The following INTS6L variants were observed in gnomAD, a reference collection of about 807,000 sequenced individuals.
The protein encoded by INTS6L is integrator complex subunit 6-like.
INTS6L carries 18 observed loss-of-function variants against 64.7 expected under a neutral mutation model. The observed-to-expected ratio is 0.28, with a 90% CI of 0.19 to 0.41. The LOEUF (loss-of-function observed/expected upper bound fraction) is 0.41, where lower values mean the gene tolerates loss of function less well. Ranked by LOEUF, INTS6L falls within the 10% of genes least tolerant of loss-of-function variation. The pLI is 1.00. For synonymous variants in INTS6L, 227 were observed against 235.9 expected, an observed-to-expected ratio of 0.96 and a Z score of 0.34; for missense variants, 533 against 661.0, an observed-to-expected ratio of 0.81 and a Z score of 2.12.
chrX:135,546,887 T>C lies in INTS6L; in HGVS notation c.613+2T>C. The stretch of plus-strand genomic sequence containing the variant: ...CACAGATGTGTGAAGTCACAGGAGG[T>C]ATTGGCAATATTTAATGTTTCTGAA... On this transcript the variant is annotated splice_donor_variant, in intron 5 of 17. Transcript: ENST00000639893. LOFTEE classifies it high-confidence loss of function. 1 of 1,199,979 alleles carries C rather than the reference T, an allele frequency of 8.3e-7. No individual in the cohort carries two copies. The highest frequency in any genetic ancestry group is 1.1e-6 in the Non-Finnish European group (1 of 888,979).
intron 9 of INTS6L, among the ~76,000 whole-genome samples, chrX:135,568,190 G>C (rs1330097576): frequency 9.0e-6 from 1 of 111,376 alleles, no homozygotes; most frequent in African/African-American, 3.3e-5. Flanking sequence ...AGGAAATAAT[G>C]AGATGTGAAG....
intron 2 of INTS6L, among the ~76,000 whole-genome samples, chrX:135,531,960 G>T (rs1318298371): frequency 2.7e-5 from 3 of 111,922 alleles, no homozygotes; most frequent in Non-Finnish European, 5.6e-5. Flanking sequence ...GGTGTGACTT[G>T]AGGGTGAGGA....
chrX:135,549,340 A>G (rs1265027828), intron 6 of INTS6L, among the ~76,000 whole-genome samples: 1 of 112,383 alleles, frequency 8.9e-6, no homozygotes, highest in East Asian at 2.8e-4. Context: ...ATTTATGTGT[A>G]CGAGTCTCAG....
Position 135,553,897 on chromosome X carries a change from C to G in INTS6L, c.1059+1751C>G, listed in dbSNP as rs782446194. 2.7e-5 allele frequency among the ~76,000 whole-genome samples: 3 copies of G among 112,117 alleles called. No individual in the cohort carries two copies. In the South Asian group the frequency reaches 1.1e-3, roughly 41 times the overall value. On this transcript the variant is annotated intron_variant, in intron 8 of 17. Transcript: ENST00000639893. Reference sequence around the variant, plus strand: ...TTCTTGGAAACCTTCTTCAGAGAAACTTAAGAAATGCTGTCCTTGCTTCTG... The same window carrying G: ...TTCTTGGAAACCTTCTTCAGAGAAAGTTAAGAAATGCTGTCCTTGCTTCTG...
At chrX:135,575,301 A>T in intron 14 of INTS6L, 75 bp downstream of exon 14, 1 of 1,091,675 alleles carries the variant, frequency 9.2e-7, no homozygotes, top group Non-Finnish European at 1.2e-6. Flanking sequence ...TGGCAAGATA[A>T]ATACAAATCA....
rs782003312 is a variant in INTS6L at position 135,569,447 on chromosome X, T to C, written c.1287+16T>C. On this transcript the variant is annotated intron_variant, in intron 10 of 17. Transcript: ENST00000639893. The stretch of plus-strand genomic sequence containing the variant: ...CTACCTATTAGTATGTATTTGTGTG[T>C]ATATATGTATTAACTGTATCAATGA... 1.0e-6 allele frequency: 1 copy of C among 989,174 alleles called. No homozygotes were observed. The highest frequency in any genetic ancestry group is 3.0e-5 in the Admixed American group (1 of 32,936). The allele number at this position is 989,174 out of a possible 1,213,427, so 81.5% of individuals were successfully genotyped here.
chrX:135,547,297 G>A, intron 6 of INTS6L, 32 bp downstream of exon 6: 1 of 1,167,495 alleles, frequency 8.6e-7, no homozygotes, highest in Middle Eastern at 3.0e-4. Context: ...ACCCTAAAGT[G>A]TTATATAGGA....
At chrX:135,558,585 T>C (rs1209570084) in intron 9 of INTS6L, among the ~76,000 whole-genome samples, 1 of 110,918 alleles carries the variant, frequency 9.0e-6, no homozygotes, top group African/African-American at 3.3e-5. Flanking sequence ...GTCAAACTCA[T>C]AGAAACAGGG....
chrX:135,562,380 C>G (rs2148652567), intron 9 of INTS6L, among the ~76,000 whole-genome samples: 1 of 112,237 alleles, frequency 8.9e-6, no homozygotes, highest in Non-Finnish European at 1.9e-5. Flanking sequence ...TATTCGATAT[C>G]TACTCTTATA....
At chrX:135,525,123 A>C (rs1556500474) in intron 2 of INTS6L, among the ~76,000 whole-genome samples, 2 of 111,912 alleles carry the variant, frequency 1.8e-5, no homozygotes, top group African/African-American at 6.5e-5. Context: ...TTTTTGGTAT[A>C]ATTGTTGTTT....
At position 135,547,329 on chromosome X, in the gene INTS6L, A is replaced by G; in HGVS notation, c.742+64A>G. On this transcript the variant is annotated intron_variant, in intron 6 of 17. Transcript: ENST00000639893. The stretch of plus-strand genomic sequence containing the variant: ...AGGAGAATGAGAAGACATTAAATAA[A>G]TTACTATAGACACAGTCTTCACTAT... The G allele has an allele frequency of 7.3e-6, 8 of 1,101,882 alleles. No homozygotes were observed. The East Asian group carries it at 1.8e-4, about 25-fold the overall frequency. 90.8% of individuals were successfully genotyped at this position (1,101,882 alleles called of 1,213,427 possible).
chrX:135,576,190 G>A (rs1215440611), intron 14 of INTS6L, among the ~76,000 whole-genome samples: 36 of 110,471 alleles, frequency 3.3e-4, no homozygotes, highest in Non-Finnish European at 3.8e-5. Context: ...AGCCAGGCGT[G>A]GTGGTGGGTG....
In INTS6L at chrX:135,520,716, A is replaced by C. The variant is rs1416504533; in HGVS notation, c.-277A>C. On this transcript the variant is annotated 5_prime_UTR_variant, in exon 1 of 18. Transcript: ENST00000639893. ...CGGATGCTTAGGCAGTAGTCCTGGC[A>C]GCGGCAGTAGTGGTGGCAGCAGAAG... 2.9e-6 allele frequency: 1 copy of C among 339,746 alleles called. No individual in the cohort carries two copies. Among genetic ancestry groups the C allele is most frequent in the Non-Finnish European group, 5.2e-6 (1 of 193,816 alleles). 28.0% of individuals were successfully genotyped at this position (339,746 alleles called of 1,213,427 possible).
intron 2 of INTS6L, among the ~76,000 whole-genome samples, chrX:135,542,753 T>C (rs781987519): frequency 7.2e-5 from 8 of 111,416 alleles, no homozygotes; most frequent in Non-Finnish European, 1.3e-4. Flanking sequence ...TTAAAAATTA[T>C]ACCTTGAACT....
intron 9 of INTS6L, among the ~76,000 whole-genome samples, chrX:135,557,422 G>A (rs1041467700): frequency 9.0e-6 from 1 of 110,846 alleles, no homozygotes; most frequent in Non-Finnish European, 1.9e-5. Flanking sequence ...TATGCTTGAC[G>A]TACAAAAAGC....
intron 15 of INTS6L, 125 bp from the exon 16 acceptor site, chrX:135,579,663 C>T (rs782591764): frequency 7.2e-6 from 7 of 969,066 alleles, no homozygotes; most frequent in Admixed American, 3.2e-5. Context: ...GGTCTCAGAT[C>T]GCCACCTGGT....
chrX:135,551,598 G>A (rs1204942616), intron 7 of INTS6L, among the ~76,000 whole-genome samples: 2 of 112,044 alleles, frequency 1.8e-5, no homozygotes, highest in Non-Finnish European at 3.8e-5. Context: ...AGCATATCTG[G>A]ACTATCTGTA....
intron 2 of INTS6L, among the ~76,000 whole-genome samples, chrX:135,528,879 A>T (rs868937328): frequency 3.5e-5 from 1 of 28,521 alleles, no homozygotes; most frequent in Non-Finnish European, 6.5e-5. Context: ...CCCCCCCCCG[A>T]CCCACCGCAA....
At chrX:135,523,026 T>C (rs1379663675) in intron 2 of INTS6L, among the ~76,000 whole-genome samples, 1 of 112,008 alleles carries the variant, frequency 8.9e-6, no homozygotes, top group Non-Finnish European at 1.9e-5. Flanking sequence ...TTTGAAGACA[T>C]GCTCCTTAAT....
Sources: allele counts gnomAD v4.1 joint callset (sites outside exome capture counted in the v4.1 genomes callset), GRCh38; gene constraint gnomAD v4.1.1; transcripts MANE v1.5; gene names NCBI Gene and HGNC (gene_info 2026-07-23, HGNC 2026-07-21).